Variants in GCLC observed in about 807,000 individuals in gnomAD.
GCLC encodes glutamate-cysteine ligase catalytic subunit.
Under a neutral mutation model 81.5 loss-of-function variants are expected in GCLC, and 30 were observed. That is an observed-to-expected ratio of 0.37 (90% CI 0.28 to 0.50). The LOEUF is 0.50. GCLC is among the 20% of genes least tolerant of loss of function. The pLI, the probability that GCLC is intolerant of heterozygous loss-of-function variation, is 0.96. For missense variants in GCLC, 556 were observed against 777.4 expected (o/e 0.72, Z 3.39); for synonymous variants, 262 against 273.3 (o/e 0.96, Z 0.41).
chr6:53,524,775 A>C (rs1355401002), intron 1 of GCLC, among the ~76,000 whole-genome samples: 1 of 152,222 alleles, frequency 6.6e-6, no homozygotes, highest in Admixed American at 6.5e-5. Context: ...AATGAGCAAG[A>C]ACTTGTAGCA....
chr6:53,529,177 A>G (rs1487700369), intron 1 of GCLC, among the ~76,000 whole-genome samples: 1 of 152,230 alleles, frequency 6.6e-6, no homozygotes, highest in African/African-American at 2.4e-5. Context: ...ACCAAAACCC[A>G]AGAGAAAACA....
rs3830798 is a variant in GCLC at position 53,544,653 on chromosome 6, CCCT to C, written c.-11_-9del. On this transcript the variant is annotated 5_prime_UTR_variant, in exon 1 of 16. Transcript: ENST00000650454. ...CTGGGACAGCAGCCCCATGGCCGCCCCCTCCTCCTCCTCCTCCTCCTCCGGGCT... is the reference window on the plus strand; with the variant it reads ...CTGGGACAGCAGCCCCATGGCCGCCCCCTCCTCCTCCTCCTCCTCCGGGCT... The C allele has an allele frequency of 7.6e-4, 1,167 of 1,531,454 alleles. No homozygotes were observed. The highest frequency in any genetic ancestry group is 1.7e-3 in the East Asian group (73 of 41,808). The allele number at this position is 1,531,454 out of a possible 1,614,324, so 94.9% of individuals were successfully genotyped here. A position where few individuals can be genotyped will look rare whatever the true frequency, so the allele number is the denominator to read the frequency against.
chr6:53,513,144 T>C (rs1237569883), intron 6 of GCLC: 1 of 152,254 alleles, frequency 6.6e-6, no homozygotes, highest in Non-Finnish European at 1.5e-5. Context: ...ATTTGGATTA[T>C]ACTTAGTTTT....
At chr6:53,508,545 C>A in intron 8 of GCLC, 50 bp downstream of exon 8, 1 of 1,054,702 alleles carries the variant, frequency 9.5e-7, no homozygotes, top group South Asian at 1.3e-5. Context: ...ACAAAAGATC[C>A]ATTTTACCTG....
At position 53,544,899 on chromosome 6, in the gene GCLC, C is replaced by T. The variant is rs1763425194; in HGVS notation, c.-254G>A. 2 of 315,160 alleles carry T rather than the reference C, an allele frequency of 6.3e-6. No individual in the cohort carries two copies. Among genetic ancestry groups the T allele is most frequent in the East Asian group, 1.1e-4 (2 of 17,778 alleles). 19.5% of individuals were successfully genotyped at this position (315,160 alleles called of 1,614,324 possible). A position where few individuals can be genotyped will look rare whatever the true frequency, so the allele number is the denominator to read the frequency against. ...GGCAGAAGACCGAGAGCAGGCGGGA[C>T]GGCTCTCGGCCCGGCGGCCTCGCCC... On this transcript the variant is annotated 5_prime_UTR_variant, in exon 1 of 16. Coordinates refer to ENST00000650454, the MANE Select transcript of GCLC (RefSeq NM_001498.4).
chr6:53,516,415 A>G (rs767887535), intron 3 of GCLC, among the ~76,000 whole-genome samples, 193 bp from the exon 4 acceptor site: 1 of 152,158 alleles, frequency 6.6e-6, no homozygotes, highest in Non-Finnish European at 1.5e-5. Flanking sequence ...TCTTGCTCAC[A>G]AGGATCTTCT....
chr6:53,538,380 G>A (rs1763294484), intron 1 of GCLC, among the ~76,000 whole-genome samples: 1 of 150,206 alleles, frequency 6.7e-6, no homozygotes. Context: ...AGGCTGGAGT[G>A]CAGTGGCGCG....
chr6:53,509,054 T>C, intron 7 of GCLC, 122 bp downstream of exon 7: 1 of 705,978 alleles, frequency 1.4e-6, no homozygotes, highest in African/African-American at 1.7e-5. Flanking sequence ...ATACTATTTA[T>C]ATTAGTCCAT....
At chr6:53,518,312 A>G (rs1762919539) in intron 3 of GCLC, among the ~76,000 whole-genome samples, 1 of 152,156 alleles carries the variant, frequency 6.6e-6, no homozygotes, top group South Asian at 2.1e-4. Context: ...GCAGAGCGGC[A>G]CAATCTCAGC....
chr6:53,527,034 T>C (rs919513756), intron 1 of GCLC, among the ~76,000 whole-genome samples: 18 of 152,298 alleles, frequency 1.2e-4, no homozygotes, highest in Admixed American at 5.2e-4. Context: ...CATCATATGC[T>C]TGACCTCTGA....
intron 2 of GCLC, among the ~76,000 whole-genome samples, chr6:53,521,706 G>A (rs1457801428): frequency 1.3e-5 from 2 of 152,108 alleles, no homozygotes; most frequent in Non-Finnish European, 2.9e-5. Flanking sequence ...GGGTGCGGTG[G>A]CTCATGCTTG....
chr6:53,517,756 C>A (rs908386349), intron 3 of GCLC, among the ~76,000 whole-genome samples: 3 of 152,156 alleles, frequency 2.0e-5, no homozygotes, highest in African/African-American at 7.2e-5. Context: ...TGCTGTCCCA[C>A]AGAACTTTCT....
Position 53,507,406 on chromosome 6 carries a change from G to A in GCLC, c.1084+74C>T, listed in dbSNP as rs1249910920. On this transcript the variant is annotated intron_variant, in intron 9 of 15. Transcript: ENST00000650454. ...AAAATAGAAACCAGACCAGGAGTCAGCAAAAAAGTGTAAAAGAGCTTTGAA... is the reference window on the plus strand; with the variant it reads ...AAAATAGAAACCAGACCAGGAGTCAACAAAAAAGTGTAAAAGAGCTTTGAA... 8.0e-6 allele frequency: 12 copies of A among 1,498,116 alleles called. No homozygotes were observed. The Admixed American group carries it at 8.4e-5, about 10-fold the overall frequency. 92.8% of individuals were successfully genotyped at this position (1,498,116 alleles called of 1,614,324 possible). A position where few individuals can be genotyped will look rare whatever the true frequency, so the allele number is the denominator to read the frequency against.
In GCLC at chr6:53,508,478, CTTT is replaced by C. The variant is rs1430419553; in HGVS notation, c.945+114_945+116del. On this transcript the variant is annotated intron_variant, in intron 8 of 15. Coordinates refer to ENST00000650454, the MANE Select transcript of GCLC (RefSeq NM_001498.4). The stretch of plus-strand genomic sequence containing the variant: ...AATTAACTCCCCACCTAGACCAAAT[CTTT>C]TTCCCCATTTCAGATAAAAATTGCA... 64 of 775,306 alleles carry C rather than the reference CTTT, an allele frequency of 8.3e-5. 1 individual carries two copies. Among genetic ancestry groups the C allele is most frequent in the South Asian group, 6.5e-4 (48 of 73,532 alleles). 48.0% of individuals were successfully genotyped at this position (775,306 alleles called of 1,614,324 possible).
At chr6:53,539,263 T>C (rs924495057) in intron 1 of GCLC, among the ~76,000 whole-genome samples, 1 of 152,150 alleles carries the variant, frequency 6.6e-6, no homozygotes, top group Non-Finnish European at 1.5e-5. Flanking sequence ...TGGGGCAAAA[T>C]AGGTATCTCC....
intron 1 of GCLC, among the ~76,000 whole-genome samples, chr6:53,540,337 A>AG (rs928290206): frequency 2.0e-5 from 3 of 151,872 alleles, no homozygotes; most frequent in Non-Finnish European, 2.9e-5. Flanking sequence ...AAGAAAAAAA[A>AG]AAAGAAAATC....
intron 1 of GCLC, among the ~76,000 whole-genome samples, chr6:53,529,625 C>A (rs1056225944): frequency 6.6e-6 from 1 of 152,236 alleles, no homozygotes; most frequent in Non-Finnish European, 1.5e-5. Context: ...TACCTCCAAT[C>A]ATCTGTACTT....
intron 12 of GCLC, 27 bp from the exon 13 acceptor site, chr6:53,500,540 A>G (rs1437238710): frequency 6.7e-7 from 1 of 1,488,454 alleles, no homozygotes; most frequent in South Asian, 1.1e-5. Context: ...ATCACGACTA[A>G]GTCAAAATAT....
At chr6:53,515,522 T>A (rs1003098357) in intron 4 of GCLC, among the ~76,000 whole-genome samples, 6 of 152,258 alleles carry the variant, frequency 3.9e-5, no homozygotes, top group Admixed American at 6.5e-5. Flanking sequence ...AGTCTCCATG[T>A]TCCCACTCTG....
Sources: allele counts gnomAD v4.1 joint callset (sites outside exome capture counted in the v4.1 genomes callset), GRCh38; gene constraint gnomAD v4.1.1; transcripts MANE v1.5; gene names NCBI Gene and HGNC (gene_info 2026-07-23, HGNC 2026-07-21).